Variants in CTNNA1 observed in about 807,000 individuals in gnomAD.
CTNNA1 encodes the protein catenin alpha-1.
A neutral mutation model predicts 98.4 loss-of-function variants in CTNNA1; 37 were observed. That is an observed-to-expected ratio of 0.38 (90% CI 0.29 to 0.49). CTNNA1 has a LOEUF of 0.49. CTNNA1 is among the 20% of genes least tolerant of loss of function. CTNNA1 has a pLI of 0.95. For missense variants in CTNNA1, 761 were observed against 1,147.2 expected (o/e 0.66, Z 4.86); for synonymous variants, 404 against 413.2 (o/e 0.98, Z 0.27).
intron 7 of CTNNA1, among the ~76,000 whole-genome samples, chr5:138,845,490 G>T (rs1762629274): frequency 6.6e-6 from 1 of 152,208 alleles, no homozygotes; most frequent in African/African-American, 2.4e-5. Flanking sequence ...AATGAGGGTG[G>T]TTACTGTTTG....
At chr5:138,893,035 A>G (rs1316136916) in intron 9 of CTNNA1, among the ~76,000 whole-genome samples, 1 of 152,100 alleles carries the variant, frequency 6.6e-6, no homozygotes, top group East Asian at 1.9e-4. Context: ...AAATAAATAA[A>G]TAAAAATAAA....
At chr5:138,875,475 A>G (rs898753691) in intron 7 of CTNNA1, 1 of 985,302 alleles carries the variant, frequency 1.0e-6, no homozygotes, top group African/African-American at 1.7e-5. Flanking sequence ...TCGTTGCAGG[A>G]CCCCCTGATT....
intron 3 of CTNNA1, among the ~76,000 whole-genome samples, chr5:138,786,054 A>T (rs2149664998): frequency 6.6e-6 from 1 of 152,188 alleles, no homozygotes; most frequent in African/African-American, 2.4e-5. Context: ...GCATATCTGA[A>T]TTGCTTTTGT....
chr5:138,850,265 A>G (rs925727478), intron 7 of CTNNA1, among the ~76,000 whole-genome samples: 7 of 152,062 alleles, frequency 4.6e-5, no homozygotes, highest in Admixed American at 4.6e-4. Flanking sequence ...TTTCTTAGAT[A>G]TTTAATCCTG....
At chr5:138,839,504 A>G (rs1453884541) in intron 7 of CTNNA1, among the ~76,000 whole-genome samples, 2 of 152,068 alleles carry the variant, frequency 1.3e-5, no homozygotes, top group Admixed American at 6.6e-5. Context: ...CCTGGCCTGT[A>G]TTCTGTTATT....
intron 3 of CTNNA1, among the ~76,000 whole-genome samples, chr5:138,786,827 A>T (rs953392014): frequency 6.6e-6 from 1 of 152,164 alleles, no homozygotes; most frequent in African/African-American, 2.4e-5. Flanking sequence ...TCCCTGACCC[A>T]TAGAAAACTC....
chr5:138,871,153 G>A (rs1249991232), intron 7 of CTNNA1: 1 of 152,150 alleles, frequency 6.6e-6, no homozygotes, highest in African/African-American at 2.4e-5. Context: ...CATGTTTTCA[G>A]TTTGATCCTG....
chr5:138,905,342 A>G (rs188043996), intron 10 of CTNNA1, among the ~76,000 whole-genome samples: 1 of 151,992 alleles, frequency 6.6e-6, no homozygotes, highest in East Asian at 1.9e-4. Context: ...ACAGGGTGGC[A>G]GTGACCACAG....
rs147578396 is a variant in CTNNA1, at chr5:138,780,810, C to G, written c.-2-1113C>G. Among the ~76,000 whole-genome samples the G allele has an allele frequency of 4.3e-3, 650 of 152,304 alleles. 3 individuals carry two copies. Among genetic ancestry groups the G allele is most frequent in the African/African-American group, 0.015 (615 of 41,558 alleles). ...GGATTACAGGAGTGAGCCACCACGC[C>G]CAGCCTTTAAGCTTTTAAATGTCTA... On this transcript the variant is annotated intron_variant, in intron 1 of 17. Transcript: ENST00000302763.
chr5:138,870,829 T>C (rs1750510952), intron 7 of CTNNA1: 1 of 152,166 alleles, frequency 6.6e-6, no homozygotes, highest in African/African-American at 2.4e-5. Context: ...GGCTTCTAAT[T>C]CAGCCTGTCT....
chr5:138,792,572 A>G (rs1319060898), intron 3 of CTNNA1, among the ~76,000 whole-genome samples: 2 of 152,226 alleles, frequency 1.3e-5, no homozygotes, highest in African/African-American at 4.8e-5. Flanking sequence ...GTGAAGACTT[A>G]AAACATAGCT....
At chr5:138,777,567 C>T (rs543422457) in intron 1 of CTNNA1, among the ~76,000 whole-genome samples, 236 of 151,602 alleles carry the variant, frequency 1.6e-3, no homozygotes, top group African/African-American at 5.3e-3. Context: ...GCCTGGGCAC[C>T]ATTGAGCACT....
At chr5:138,917,411 T>G (rs1005513589) in intron 10 of CTNNA1, among the ~76,000 whole-genome samples, 4 of 152,248 alleles carry the variant, frequency 2.6e-5, no homozygotes, top group Admixed American at 2.6e-4. Context: ...AAGTGGCATA[T>G]AATTCTAATT....
intron 7 of CTNNA1, chr5:138,871,459 T>C (rs1445716295): frequency 1.3e-5 from 2 of 152,260 alleles, no homozygotes; most frequent in African/African-American, 2.4e-5. Context: ...AGAAACTGAA[T>C]ACCTGTGGTT....
intron 11 of CTNNA1, among the ~76,000 whole-genome samples, chr5:138,922,219 G>A (rs886857645): frequency 6.6e-6 from 1 of 152,060 alleles, no homozygotes; most frequent in South Asian, 2.1e-4. Context: ...TTTTTAACTC[G>A]TGATCTAACT....
chr5:138,866,627 C>G (rs549355176), intron 7 of CTNNA1, among the ~76,000 whole-genome samples: 6 of 152,230 alleles, frequency 3.9e-5, no homozygotes, highest in African/African-American at 1.4e-4. Flanking sequence ...ATTGGGCAAG[C>G]CTTTGCTCTT....
intron 1 of CTNNA1, among the ~76,000 whole-genome samples, chr5:138,760,149 A>T (rs1752184216): frequency 6.9e-6 from 1 of 145,440 alleles, no homozygotes; most frequent in Non-Finnish European, 1.5e-5. Flanking sequence ...ATGCGCCACC[A>T]TGCCTGGCTA....
chr5:138,761,789 C>CA (rs1421961876), intron 1 of CTNNA1, among the ~76,000 whole-genome samples: 1 of 152,166 alleles, frequency 6.6e-6, no homozygotes, highest in African/African-American at 2.4e-5. Flanking sequence ...GGGTCTCACT[C>CA]AGTCATCCAG....
At chr5:138,777,731 G>A (rs1036639933) in intron 1 of CTNNA1, among the ~76,000 whole-genome samples, 7 of 151,170 alleles carry the variant, frequency 4.6e-5, no homozygotes, top group South Asian at 4.2e-4. Context: ...GGCGGTGCGC[G>A]CCTGCAATCA....
Sources: allele counts gnomAD v4.1 joint callset (sites outside exome capture counted in the v4.1 genomes callset), GRCh38; gene constraint gnomAD v4.1.1; transcripts MANE v1.5; gene names NCBI Gene and HGNC (gene_info 2026-07-23, HGNC 2026-07-21).